ITGA11: variants seen among roughly 807,000 people sequenced by gnomAD.
The protein encoded by ITGA11 is integrin alpha-11.
In ITGA11, 97 loss-of-function variants were observed where a neutral mutation model predicts 141.9. The ratio of observed to expected loss-of-function variants is 0.68; its 90% CI spans 0.58 to 0.81. The LOEUF (loss-of-function observed/expected upper bound fraction) is 0.81. Ranked by LOEUF, ITGA11 falls within the 30% of genes least tolerant of loss-of-function variation. ITGA11 has a pLI of 0.00. For synonymous variants in ITGA11, 658 were observed against 624.6 expected (o/e 1.05, Z -0.80); for missense variants, 1,387 against 1,559.2 (o/e 0.89, Z 1.86).
intron 2 of ITGA11, among the ~76,000 whole-genome samples, chr15:68,379,296 G>T (rs752338180): frequency 6.6e-6 from 1 of 152,174 alleles, no homozygotes; most frequent in Non-Finnish European, 1.5e-5. Flanking sequence ...TTAGCTGAAA[G>T]CTCCTTCAAT....
intron 16 of ITGA11, among the ~76,000 whole-genome samples, chr15:68,327,039 G>A (rs769735632): frequency 1.1e-3 from 170 of 152,278 alleles, no homozygotes; most frequent in Middle Eastern, 3.4e-3. Flanking sequence ...AGAAGTGGAG[G>A]GAAAGTGAAC....
chr15:68,341,762 G>T (rs1894579977), intron 10 of ITGA11, among the ~76,000 whole-genome samples: 1 of 152,226 alleles, frequency 6.6e-6, no homozygotes, highest in South Asian at 2.1e-4. Context: ...TGGCTCTGCA[G>T]ATGACAGGGA....
rs766583123 is a variant in ITGA11, at chr15:68,313,911, C to T, written c.2793-43G>A. The T allele has an allele frequency of 2.7e-6, 4 of 1,497,034 alleles. No individual in the cohort carries two copies. The African/African-American group carries it at 5.5e-5, about 21-fold the overall frequency. The allele number at this position is 1,497,034 out of a possible 1,614,324, so 92.7% of individuals were successfully genotyped here. A position where few individuals can be genotyped will look rare whatever the true frequency, so the allele number is the denominator to read the frequency against. The stretch of plus-strand genomic sequence containing the variant: ...CGGCAAGGTCAGGAAGGGGCTCAGC[C>T]AGCACAGGCAGCGGGAAGGGTCTGA... On this transcript the variant is annotated intron_variant, in intron 22 of 29. Coordinates refer to ENST00000315757, the MANE Select transcript of ITGA11 (RefSeq NM_001004439.2).
chr15:68,432,120 G>A lies in ITGA11; in HGVS notation c.-54C>T. 1.5e-6 allele frequency: 2 copies of A among 1,300,376 alleles called. No individual in the cohort carries two copies. Among genetic ancestry groups the A allele is most frequent in the South Asian group, 2.3e-5 (1 of 42,896 alleles). The allele number at this position is 1,300,376 out of a possible 1,614,324, so 80.6% of individuals were successfully genotyped here. A position where few individuals can be genotyped will look rare whatever the true frequency, so the allele number is the denominator to read the frequency against. ...GTGCAGCGGCGGCGGGGGGCGGCAA[G>A]CCAGAGCGGCAGCCTCCTCGGCGCG... On this transcript the variant is annotated 5_prime_UTR_variant, in exon 1 of 30. Coordinates refer to ENST00000315757, the MANE Select transcript of ITGA11 (RefSeq NM_001004439.2).
chr15:68,365,282 TGA>T (rs1895383077), intron 3 of ITGA11: 2 of 985,450 alleles, frequency 2.0e-6, no homozygotes, highest in Non-Finnish European at 2.4e-6. Flanking sequence ...ATGTGACAGC[TGA>T]GAGTTTCCTC....
chr15:68,314,681 G>A (rs1217348237), intron 22 of ITGA11, among the ~76,000 whole-genome samples: 2 of 152,186 alleles, frequency 1.3e-5, no homozygotes, highest in African/African-American at 4.8e-5. Context: ...CTGTGAAGAC[G>A]GGACTGGGCT....
At chr15:68,353,372 C>T (rs557259297) in intron 7 of ITGA11, among the ~76,000 whole-genome samples, 44 of 152,266 alleles carry the variant, frequency 2.9e-4, no homozygotes, top group African/African-American at 8.9e-4. Context: ...GAGCAGGTTT[C>T]GAGCTCAAGC....
At chr15:68,339,737 C>T (rs1010860503) in intron 10 of ITGA11, 93 bp from the exon 11 acceptor site, 3 of 1,469,514 alleles carry the variant, frequency 2.0e-6, no homozygotes, top group African/African-American at 1.4e-5. Flanking sequence ...ACGCCTCCAC[C>T]AGCCACCTCG....
rs1397891216 is a variant in ITGA11 at position 68,349,000 on chromosome 15, G to A, written c.1061-100C>T. The A allele has an allele frequency of 8.8e-6, 9 of 1,017,008 alleles. No homozygotes were observed. In the Admixed American group the frequency reaches 1.1e-4, roughly 12 times the overall value. The allele number at this position is 1,017,008 out of a possible 1,614,324, so 63.0% of individuals were successfully genotyped here. ...ACAGCTCCTGCTTCCTGGGGGCATC[G>A]TCAGGAGGTGGGGCTCTCTTTCGAG... On this transcript the variant is annotated intron_variant, in intron 9 of 29. Transcript: ENST00000315757.
chr15:68,320,490 C>T (rs1461877423), intron 19 of ITGA11, 98 bp from the exon 20 acceptor site: 1 of 894,704 alleles, frequency 1.1e-6, no homozygotes, highest in East Asian at 2.7e-5. Flanking sequence ...GGTCTGGGCA[C>T]TTGACTGGCC....
At chr15:68,401,815 C>T (rs187732229) in intron 2 of ITGA11, among the ~76,000 whole-genome samples, 30 of 152,100 alleles carry the variant, frequency 2.0e-4, no homozygotes, top group Middle Eastern at 6.8e-3. Context: ...ATTCAAAATG[C>T]CTATACTTTG....
intron 16 of ITGA11, among the ~76,000 whole-genome samples, chr15:68,327,629 T>TA (rs1429467744): frequency 6.6e-6 from 1 of 152,158 alleles, no homozygotes. Flanking sequence ...TAGCTGGAAG[T>TA]GATGGACCCT....
intron 2 of ITGA11, among the ~76,000 whole-genome samples, chr15:68,370,475 C>A (rs1171233888): frequency 6.6e-6 from 1 of 152,178 alleles, no homozygotes; most frequent in Admixed American, 6.5e-5. Flanking sequence ...AGAGAGCAGC[C>A]CCATCACGGG....
chr15:68,351,319 G>A lies in ITGA11; in HGVS notation c.833C>T (p.Pro278Leu), dbSNP rs752351969. The change falls in exon 8 of 30, where the codon CCA becomes CTA. Residue 278 changes from proline to leucine, a missense_variant. Pro to Leu is a moderately conservative substitution (Grantham distance 98). Coordinates refer to ENST00000315757, the MANE Select transcript of ITGA11 (RefSeq NM_001004439.2). ...TTGCTGGATCACCTTCTCCAGGTCT[G>A]GGCTGTCGTGGGACTCCCCATCTGT... is the stretch of plus-strand genomic sequence containing the variant. ...VITDGESHDS[P>L]DLEKVIQQSE... 6.2e-7 allele frequency: 1 copy of A among 1,614,010 alleles called. No individual in the cohort carries two copies. Among genetic ancestry groups the A allele is most frequent in the Admixed American group, 1.7e-5 (1 of 60,028 alleles).
At chr15:68,358,395 C>A in intron 6 of ITGA11, 63 bp downstream of exon 6, 1 of 1,520,534 alleles carries the variant, frequency 6.6e-7, no homozygotes, top group Non-Finnish European at 8.8e-7. Flanking sequence ...AGACCTAAGG[C>A]AGCACCTGCC....
intron 14 of ITGA11, 89 bp downstream of exon 14, chr15:68,331,770 C>G (rs1894165090): frequency 8.7e-7 from 1 of 1,151,486 alleles, no homozygotes; most frequent in Non-Finnish European, 1.3e-6. Context: ...GGAAGAAAAT[C>G]CTGAACCAGA....
Position 68,327,951 on chromosome 15 carries a change from A to T in ITGA11, c.2068+145T>A, listed in dbSNP as rs1445010676. 5.5e-6 allele frequency: 4 copies of T among 727,794 alleles called. No individual in the cohort carries two copies. In the East Asian group the frequency reaches 1.1e-4, roughly 20 times the overall value. 45.1% of individuals were successfully genotyped at this position (727,794 alleles called of 1,614,324 possible). Reference sequence around the variant, plus strand: ...TTGCCCTTTGGAATGAGAGCATCAAATGGGATCCAGTAGTCATCCAAGGTG... The same window carrying T: ...TTGCCCTTTGGAATGAGAGCATCAATTGGGATCCAGTAGTCATCCAAGGTG... On this transcript the variant is annotated intron_variant, in intron 16 of 29. Transcript: ENST00000315757.
At chr15:68,413,406 G>C (rs1896821490) in intron 1 of ITGA11, among the ~76,000 whole-genome samples, 1 of 152,158 alleles carries the variant, frequency 6.6e-6, no homozygotes, top group Non-Finnish European at 1.5e-5. Context: ...GGAGCTCCAG[G>C]TTCCATGGTA....
In ITGA11 at chr15:68,299,891, T is replaced by C. The variant is rs777784488; in HGVS notation, c.*3168A>G. On this transcript the variant is annotated 3_prime_UTR_variant, in exon 30 of 30. Transcript: ENST00000315757. ...CTCCATTGTGTTTGCATTAGCACTT[T>C]GCCCTTTCCACCTAGATACCTGTCA... 2.0e-5 allele frequency: 3 copies of C among 152,192 alleles called. No homozygotes were observed. Among genetic ancestry groups the C allele is most frequent in the Non-Finnish European group, 4.4e-5 (3 of 68,040 alleles). 9.4% of individuals were successfully genotyped at this position (152,192 alleles called of 1,614,324 possible). A position where few individuals can be genotyped will look rare whatever the true frequency, so the allele number is the denominator to read the frequency against.
Sources: gnomAD v4.1 joint callset for allele counts (sites outside exome capture counted in the v4.1 genomes callset) on GRCh38, gnomAD v4.1.1 for gene constraint, MANE v1.5 for transcripts, NCBI Gene and HGNC (gene_info 2026-07-23, HGNC 2026-07-21) for gene names.